The following KIRREL3 variants were observed in gnomAD, a reference collection of about 807,000 sequenced individuals.
The protein encoded by KIRREL3 is kin of IRRE-like protein 3.
In KIRREL3, 36 loss-of-function variants were observed where a neutral mutation model predicts 89.7. The observed-to-expected ratio is 0.40, with a 90% confidence interval of 0.31 to 0.53. KIRREL3 has a LOEUF of 0.53. Among genes scored for constraint, KIRREL3 ranks in the 20% least tolerant of loss-of-function variants. The probability of loss-of-function intolerance (pLI) is 0.49; values close to 1 mark genes in which losing one functional copy is unlikely to be tolerated. For synonymous variants in KIRREL3, 445 were observed against 441.4 expected, an observed-to-expected ratio of 1.01 and a Z score of -0.10; for missense variants, 864 against 1,056.6, an observed-to-expected ratio of 0.82 and a Z score of 2.53.
chr11:126,774,889 G>C (rs190687392), intron 1 of KIRREL3, among the ~76,000 whole-genome samples: 210 of 152,262 alleles, frequency 1.4e-3, no homozygotes, highest in African/African-American at 4.7e-3. Context: ...TTTTAAAGTT[G>C]CTGCTCCTGC....
chr11:126,888,751 G>C, intron 1 of KIRREL3, among the ~76,000 whole-genome samples: 1 of 152,156 alleles, frequency 6.6e-6, no homozygotes, highest in South Asian at 2.1e-4. Context: ...CAGACTGACC[G>C]TGGGCAAGAC....
chr11:126,922,169 A>C (rs563861920), intron 1 of KIRREL3, among the ~76,000 whole-genome samples: 57 of 141,158 alleles, frequency 4.0e-4, no homozygotes, highest in African/African-American at 1.4e-3. Context: ...CTATCTATCT[A>C]TCTATCTCTA....
In KIRREL3 at chr11:126,619,955, C is replaced by T. The variant is rs193158933; in HGVS notation, c.56-57043G>A. Among the ~76,000 whole-genome samples, 3 of 152,172 alleles carry T rather than the reference C, an allele frequency of 2.0e-5. No individual in the cohort carries two copies. In the East Asian group the frequency reaches 5.8e-4, roughly 29 times the overall value. ...CTCACTTCTTGACCAATTAGTGATC[C>T]CCTATTCCCTTACAAAATCAAACTC... On this transcript the variant is annotated intron_variant, in intron 1 of 16. Transcript: ENST00000525144.
chr11:126,813,660 T>C (rs1951462513), intron 1 of KIRREL3, among the ~76,000 whole-genome samples: 1 of 152,060 alleles, frequency 6.6e-6, no homozygotes, highest in Non-Finnish European at 1.5e-5. Context: ...ATAATTGGTA[T>C]TGAGGTTCAC....
Position 126,485,008 on chromosome 11 carries a change from C to G in KIRREL3, c.434-11542G>C, listed in dbSNP as rs942765547. 6.6e-6 allele frequency among the ~76,000 whole-genome samples: 1 copy of G among 152,096 alleles called. No individual in the cohort carries two copies. Among genetic ancestry groups the G allele is most frequent in the South Asian group, 2.1e-4 (1 of 4,814 alleles). On this transcript the variant is annotated intron_variant, in intron 4 of 16. Coordinates refer to ENST00000525144, the MANE Select transcript of KIRREL3 (RefSeq NM_032531.4). This position sits in a 1 kb window ranked among gnomAD's most constrained non-coding sequence, Gnocchi z 5.8. ...TATTTTTTGGTACTTTTGGTGGAGACGGGGTTTCGTCATGTTGGCCAGGCT... is the reference window on the plus strand; with the variant it reads ...TATTTTTTGGTACTTTTGGTGGAGAGGGGGTTTCGTCATGTTGGCCAGGCT...
chr11:126,600,086 T>A (rs1315682484), intron 1 of KIRREL3, among the ~76,000 whole-genome samples: 1 of 152,230 alleles, frequency 6.6e-6, no homozygotes, highest in Non-Finnish European at 1.5e-5. Context: ...TTTCTCTCTG[T>A]CTCTCCTTCT....
rs935468472 is a variant in KIRREL3, at chr11:126,627,799, T to C, written c.56-64887A>G. 2.0e-5 allele frequency among the ~76,000 whole-genome samples: 3 copies of C among 152,102 alleles called. No individual in the cohort carries two copies. Among genetic ancestry groups the C allele is most frequent in the Non-Finnish European group, 2.9e-5 (2 of 68,008 alleles). ...GGGATGTCAGATGCTCAGAGAGAACTCACAGGCCCCAGTGGAGGGCTTGGA... is the reference window on the plus strand; with the variant it reads ...GGGATGTCAGATGCTCAGAGAGAACCCACAGGCCCCAGTGGAGGGCTTGGA... On this transcript the variant is annotated intron_variant, in intron 1 of 16. Transcript: ENST00000525144. This position sits in a 1 kb window ranked among gnomAD's most constrained non-coding sequence, Gnocchi z 5.0.
chr11:126,450,001 A>G (rs974123522), intron 7 of KIRREL3, among the ~76,000 whole-genome samples: 2 of 152,242 alleles, frequency 1.3e-5, no homozygotes, highest in African/African-American at 2.4e-5. Flanking sequence ...TTTGTCGGCC[A>G]ATCGGTACCA....
In KIRREL3 at chr11:126,802,916, T is replaced by C. The variant is rs1196901454; in HGVS notation, c.55+197539A>G. On this transcript the variant is annotated intron_variant, in intron 1 of 16. Transcript: ENST00000525144. This position sits in a 1 kb window ranked among gnomAD's most constrained non-coding sequence, Gnocchi z 5.2. ...TTATATGGTGTTTTGCTCAAGGTTG[T>C]AGTTTCCAAGAACCTATCAATGACA... Among the ~76,000 whole-genome samples, 2 of 152,220 alleles carry C rather than the reference T, an allele frequency of 1.3e-5. No homozygotes were observed. Among genetic ancestry groups the C allele is most frequent in the Non-Finnish European group, 1.5e-5 (1 of 68,042 alleles).
At chr11:126,923,263 TCTTCTCCTTCTCCTTCTCCTTCTC>T (rs1439644782) in intron 1 of KIRREL3, among the ~76,000 whole-genome samples, 2 of 56,634 alleles carry the variant, frequency 3.5e-5, no homozygotes, top group Non-Finnish European at 3.4e-5. Flanking sequence ...TTCTTCTTCT[TCTTCTCCTTCTCCTTCTCCTTCTC>T]CTTCTCCTTC....
rs1186021780 is a variant in KIRREL3, at chr11:126,490,846, A to T, written c.434-17380T>A. Among the ~76,000 whole-genome samples the T allele has an allele frequency of 6.6e-6, 1 of 152,150 alleles. No homozygotes were observed. The highest frequency in any genetic ancestry group is 1.5e-5 in the Non-Finnish European group (1 of 68,040). ...AGCCGGCAGTAGCATTTGGAGTCAA[A>T]TAGGAAGACGCCACTGCTTCCTTCT... On this transcript the variant is annotated intron_variant, in intron 4 of 16. Transcript: ENST00000525144. The surrounding 1 kb of genome is among the most constrained non-coding windows in gnomAD (Gnocchi z 4.2).
chr11:126,630,726 C>T (rs1003259016), intron 1 of KIRREL3, among the ~76,000 whole-genome samples: 3 of 152,224 alleles, frequency 2.0e-5, no homozygotes, highest in African/African-American at 7.2e-5. Context: ...GCCTCACTCC[C>T]AGCCTAAGAG....
chr11:126,628,793 G>A lies in KIRREL3; in HGVS notation c.56-65881C>T, dbSNP rs949286252. On this transcript the variant is annotated intron_variant, in intron 1 of 16. Coordinates refer to ENST00000525144, the MANE Select transcript of KIRREL3 (RefSeq NM_032531.4). This position sits in a 1 kb window ranked among gnomAD's most constrained non-coding sequence, Gnocchi z 5.2. ...GCCTGCTACCTGGAGCCAGGGCCTC[G>A]CCTCTACTGCCCCCTCCGCTCGCTC... 2.0e-5 allele frequency among the ~76,000 whole-genome samples: 3 copies of A among 152,128 alleles called. No homozygotes were observed. The highest frequency in any genetic ancestry group is 2.0e-4 in the Admixed American group (3 of 15,282).
intron 1 of KIRREL3, among the ~76,000 whole-genome samples, chr11:126,822,212 G>A (rs1008271071): frequency 1.3e-5 from 2 of 152,232 alleles, no homozygotes; most frequent in Non-Finnish European, 2.9e-5. Flanking sequence ...TACACATGAA[G>A]TGTTGGAATG....
rs1958750160 is a variant in KIRREL3, at chr11:126,526,307, A to T, written c.283+231T>A. 6.6e-6 allele frequency among the ~76,000 whole-genome samples: 1 copy of T among 152,228 alleles called. No individual in the cohort carries two copies. The highest frequency in any genetic ancestry group is 2.4e-5 in the African/African-American group (1 of 41,464). Reference sequence around the variant, plus strand: ...GCAATGTCGAGTTAGGTTAGGACCCACCGCTAGAAGGAGGGTTTGCTTATG... The same window carrying T: ...GCAATGTCGAGTTAGGTTAGGACCCTCCGCTAGAAGGAGGGTTTGCTTATG... On this transcript the variant is annotated intron_variant, in intron 3 of 16. Transcript: ENST00000525144. The surrounding 1 kb of genome is among the most constrained non-coding windows in gnomAD (Gnocchi z 5.7).
chr11:126,902,097 G>A lies in KIRREL3; in HGVS notation c.55+98358C>T, dbSNP rs148893589. On this transcript the variant is annotated intron_variant, in intron 1 of 16. Coordinates refer to ENST00000525144, the MANE Select transcript of KIRREL3 (RefSeq NM_032531.4). ...CTGCAAAGACTATCCTGGCTCCTGGGCATCAACTTTCAGTTGGAAGGAGCT... is the reference window on the plus strand; with the variant it reads ...CTGCAAAGACTATCCTGGCTCCTGGACATCAACTTTCAGTTGGAAGGAGCT... 2.5e-3 allele frequency among the ~76,000 whole-genome samples: 385 copies of A among 152,304 alleles called. 1 individual carries two copies. Among genetic ancestry groups the A allele is most frequent in the African/African-American group, 8.9e-3 (371 of 41,562 alleles).
chr11:126,529,926 G>A (rs1210389453), intron 2 of KIRREL3, among the ~76,000 whole-genome samples: 2 of 149,792 alleles, frequency 1.3e-5, no homozygotes, highest in African/African-American at 5.0e-5. Context: ...AAAAGTTGAG[G>A]TGCTTTGGAT....
rs1251550844 is a variant in KIRREL3 at position 126,889,209 on chromosome 11, T to C, written c.55+111246A>G. 2.6e-5 allele frequency among the ~76,000 whole-genome samples: 4 copies of C among 151,890 alleles called. No individual in the cohort carries two copies. The East Asian group carries it at 5.8e-4, about 22-fold the overall frequency. On this transcript the variant is annotated intron_variant, in intron 1 of 16. Transcript: ENST00000525144. ...TCTTCCCCTTAGTGACCCCTCCCTT[T>C]TTCCCTCCCCCTCTTTATTCTCCCC... is the stretch of plus-strand genomic sequence containing the variant.
rs2134506842 is a variant in KIRREL3, at chr11:126,544,896, T to G, written c.133+17939A>C. ...CACTGTCTAAACTCCTCTAACCTAT[T>G]TAGGCCACAGAGAGGGGAGAAGACA... On this transcript the variant is annotated intron_variant, in intron 2 of 16. Coordinates refer to ENST00000525144, the MANE Select transcript of KIRREL3 (RefSeq NM_032531.4). This position sits in a 1 kb window ranked among gnomAD's most constrained non-coding sequence, Gnocchi z 5.6. Among the ~76,000 whole-genome samples, 1 of 152,196 alleles carries G rather than the reference T, an allele frequency of 6.6e-6. No homozygotes were observed. Among genetic ancestry groups the G allele is most frequent in the South Asian group, 2.1e-4 (1 of 4,816 alleles).
Sources: gnomAD v4.1 joint callset for allele counts (sites outside exome capture counted in the v4.1 genomes callset) on GRCh38, gnomAD v4.1.1 for gene constraint, Gnocchi (gnomAD v3.1) non-coding constraint, MANE v1.5 for transcripts, NCBI Gene and HGNC (gene_info 2026-07-23, HGNC 2026-07-21) for gene names.